UPF3B: variants seen among roughly 807,000 people sequenced by gnomAD.
UPF3B encodes the protein UPF3B regulator of nonsense mediated mRNA decay, also known as regulator of nonsense transcripts 3B.
UPF3B carries 7 observed loss-of-function variants against 40.3 expected under a neutral mutation model. That is an observed-to-expected ratio of 0.17 (90% CI 0.10 to 0.33). The LOEUF (loss-of-function observed/expected upper bound fraction) is 0.33. Ranked by LOEUF, UPF3B falls within the 10% of genes least tolerant of loss-of-function variation. The pLI is 1.00. For missense variants in UPF3B, 229 were observed against 358.9 expected (o/e 0.64, Z 2.93); for synonymous variants, 117 against 117.3 (o/e 1.00, Z 0.01).
downstream of UPF3B, among the ~76,000 whole-genome samples, chrX:119,830,564 A>G (rs775483248): frequency 9.0e-6 from 1 of 110,785 alleles, no homozygotes; most frequent in Non-Finnish European, 1.9e-5. Flanking sequence ...CTCTTTTCTT[A>G]TAAACTAACA....
intron 3 of UPF3B, 63 bp from the exon 4 acceptor site, chrX:119,845,359 G>A: frequency 1.0e-6 from 1 of 957,910 alleles, no homozygotes. Context: ...GGATATAAGG[G>A]AATCAACCCA....
downstream of UPF3B, among the ~76,000 whole-genome samples, chrX:119,833,579 T>C (rs1055201327): frequency 8.9e-6 from 1 of 111,892 alleles, no homozygotes; most frequent in Non-Finnish European, 1.9e-5. Context: ...CAATCTTGAC[T>C]CACTGCAATC....
chrX:119,820,147 C>T (rs1447396826), intron 4 of UPF3B, among the ~76,000 whole-genome samples: 3 of 101,153 alleles, frequency 3.0e-5, no homozygotes, highest in East Asian at 6.4e-4. Flanking sequence ...AATCCCCTGC[C>T]TTTTTGTTGT....
chrX:119,810,313 T>C (rs1357224542), intron 5 of UPF3B, among the ~76,000 whole-genome samples: 2 of 112,349 alleles, frequency 1.8e-5, no homozygotes, highest in Admixed American at 9.5e-5. Context: ...GTTTTTGCCA[T>C]TGAAAGACAT....
At chrX:119,817,840 T>C (rs984928210) in intron 4 of UPF3B, among the ~76,000 whole-genome samples, 1 of 112,052 alleles carries the variant, frequency 8.9e-6, no homozygotes, top group Non-Finnish European at 1.9e-5. Context: ...AAATCACTGA[T>C]GCTTTACCAA....
At chrX:119,830,218 C>A, downstream of UPF3B, among the ~76,000 whole-genome samples, 1 of 111,119 alleles carries the variant, frequency 9.0e-6, no homozygotes, top group Non-Finnish European at 1.9e-5. Context: ...CTTAAGGGAC[C>A]AGAATAGTTG....
At chrX:119,838,188 A>G (rs1454012921) in intron 9 of UPF3B, 137 bp from the exon 10 acceptor site, 1 of 963,234 alleles carries the variant, frequency 1.0e-6, no homozygotes, top group Non-Finnish European at 1.5e-6. Flanking sequence ...TGTTTTAAGA[A>G]GGAACAAAAC....
chrX:119,831,851 C>G (rs987906567), downstream of UPF3B: 38 of 274,510 alleles, frequency 1.4e-4, no homozygotes, highest in Non-Finnish European at 1.5e-4. Context: ...TTAATATATC[C>G]TAAAGCCCAG....
intron 10 of UPF3B, 83 bp from the exon 11 acceptor site, chrX:119,835,110 G>T: frequency 9.1e-7 from 1 of 1,103,680 alleles, no homozygotes; most frequent in South Asian, 1.9e-5. Flanking sequence ...AGTTATGTAT[G>T]AATATATGCT....
chrX:119,808,204 A>G (rs1440971643), intron 5 of UPF3B, among the ~76,000 whole-genome samples: 1 of 111,821 alleles, frequency 8.9e-6, no homozygotes, highest in African/African-American at 3.2e-5. Context: ...ACATGAAATT[A>G]TGCTTTATGA....
chrX:119,825,796 G>T (rs1021503424), intron 3 of UPF3B, among the ~76,000 whole-genome samples: 4 of 112,105 alleles, frequency 3.6e-5, no homozygotes, highest in Non-Finnish European at 5.6e-5. Flanking sequence ...TGACGTTAAA[G>T]ATGAAGGCTG....
intron 8 of UPF3B, among the ~76,000 whole-genome samples, chrX:119,839,951 G>C (rs1311482514): frequency 9.0e-6 from 1 of 111,283 alleles, no homozygotes; most frequent in Non-Finnish European, 1.9e-5. Flanking sequence ...AAAGAATTAA[G>C]ATGAGAAACT....
chrX:119,827,462 C>T (rs1429290750), intron 3 of UPF3B, among the ~76,000 whole-genome samples: 1 of 20,710 alleles, frequency 4.8e-5, no homozygotes, highest in Non-Finnish European at 6.7e-5. Context: ...GAGACGGACT[C>T]TCTGTTGCCT....
At chrX:119,831,323 TTTTG>T (rs2056034448), downstream of UPF3B, among the ~76,000 whole-genome samples, 1 of 106,641 alleles carries the variant, frequency 9.4e-6, no homozygotes, top group South Asian at 3.9e-4. Flanking sequence ...CTCCTCCTTT[TTTTG>T]TTTTTTTTTT....
downstream of UPF3B, among the ~76,000 whole-genome samples, chrX:119,831,371 G>A (rs1341289379): frequency 3.7e-5 from 4 of 108,396 alleles, no homozygotes; most frequent in Non-Finnish European, 7.7e-5. Context: ...GCTCAGGCTG[G>A]AGTGCAATGG....
chrX:119,831,704 T>C (rs2056039092), downstream of UPF3B: 1 of 754,469 alleles, frequency 1.3e-6, no homozygotes, highest in Non-Finnish European at 1.6e-6. Context: ...ATCAGGAAAA[T>C]AGTGTTGATA....
At chrX:119,818,773 G>A (rs2055886628) in intron 4 of UPF3B, among the ~76,000 whole-genome samples, 1 of 111,812 alleles carries the variant, frequency 8.9e-6, no homozygotes, top group African/African-American at 3.2e-5. Flanking sequence ...TATTAATTGT[G>A]GTTTATGCCA....
At chrX:119,815,293 C>T in exon 5 of UPF3B, 2 of 783,032 alleles carry the variant, frequency 2.6e-6, no homozygotes, top group Non-Finnish European at 3.1e-6. Flanking sequence ...GGTAACGCTG[C>T]ATCCCTGGAT....
chrX:119,842,605 T>TAC (rs543555558), intron 5 of UPF3B, among the ~76,000 whole-genome samples: 1,167 of 91,376 alleles, frequency 0.013, 35 homozygotes, highest in South Asian at 0.033. Context: ...CACACACACA[T>TAC]ACACACACAC....
Sources: gnomAD v4.1 joint callset for allele counts (sites outside exome capture counted in the v4.1 genomes callset) on GRCh38, gnomAD v4.1.1 for gene constraint, MANE v1.5 for transcripts, NCBI Gene and HGNC (gene_info 2026-07-23, HGNC 2026-07-21) for gene names.